The following PLEKHM2 variants were observed in gnomAD, a reference collection of about 807,000 sequenced individuals.
The protein encoded by PLEKHM2 is pleckstrin homology and RUN domain containing M2.
In PLEKHM2, 77 loss-of-function variants were observed where a neutral mutation model predicts 116.3. That is an observed-to-expected ratio of 0.66 (90% confidence interval 0.55 to 0.80). The LOEUF is 0.80. PLEKHM2 is among the 30% of genes least tolerant of loss of function. PLEKHM2 has a pLI of 0.00. For synonymous variants in PLEKHM2, 562 were observed against 571.0 expected, an observed-to-expected ratio of 0.98 and a Z score of 0.22; for missense variants, 1,183 against 1,354.9, an observed-to-expected ratio of 0.87 and a Z score of 1.99.
At chr1:15,723,339 G>T (rs907416759) in intron 7 of PLEKHM2, 3 of 151,768 alleles carry the variant, frequency 2.0e-5, no homozygotes, top group Admixed American at 2.0e-4. Flanking sequence ...CTTAGGCTCT[G>T]AGATCCCCGG....
chr1:15,733,865 C>T lies in PLEKHM2; in HGVS notation c.2991C>T (p.Leu997=). 1 of 1,613,054 alleles carries T rather than the reference C, an allele frequency of 6.2e-7. No homozygotes were observed. The highest frequency in any genetic ancestry group is 8.5e-7 in the Non-Finnish European group (1 of 1,179,846). ...AGAAATTCGAGGATGCCTTGAGCCTCATCCACAGCGCCTGGCAGCGGAGCG... is the reference window on the plus strand; with the variant it reads ...AGAAATTCGAGGATGCCTTGAGCCTTATCCACAGCGCCTGGCAGCGGAGCG... ...NKKKFEDALS[L]IHSAWQRSDS... is the part of the protein sequence containing the mutation. The change falls in exon 20 of 20, where the codon CTC becomes CTT. Residue 997 remains leucine (L), a synonymous_variant. Transcript: ENST00000375799.
At chr1:15,703,249 T>G (rs892923517) in intron 1 of PLEKHM2, among the ~76,000 whole-genome samples, 84 of 152,200 alleles carry the variant, frequency 5.5e-4, no homozygotes, top group Non-Finnish European at 1.3e-4. Flanking sequence ...GGTCTGTGTC[T>G]GCGGTGGCTG....
rs570032250 is a variant in PLEKHM2 at position 15,730,605 on chromosome 1, C to A, written c.2282C>A (p.Thr761Lys). 2 of 1,606,086 alleles carry A rather than the reference C, an allele frequency of 1.2e-6. No individual in the cohort carries two copies. The highest frequency in any genetic ancestry group is 1.7e-5 in the Admixed American group (1 of 59,112). Reference sequence around the variant, plus strand: ...CCCACAGACGAGTCCCTGGGCCCCACGCCCTGCCACTGCTCACCCCCCGAG... The same window carrying A: ...CCCACAGACGAGTCCCTGGGCCCCAAGCCCTGCCACTGCTCACCCCCCGAG... ...EDPTDESLGP[T>K]PCHCSPPEGT... is the part of the protein sequence containing the mutation. Residue 761 changes from threonine to lysine, a missense_variant, in exon 15 of 20, where the codon ACG (threonine) becomes AAG (lysine). Physicochemically the swap from Thr to Lys is moderately conservative, Grantham distance 78 (BLOSUM62 -1). Coordinates refer to ENST00000375799, the MANE Select transcript of PLEKHM2 (RefSeq NM_015164.4).
chr1:15,682,637 AC>A (rs1454097766), upstream of PLEKHM2, among the ~76,000 whole-genome samples: 89 of 89,542 alleles, frequency 9.9e-4, no homozygotes, highest in African/African-American at 2.1e-3. Flanking sequence ...ACAAAACAAA[AC>A]AAAACAAAAA....
At chr1:15,716,626 C>T (rs913214832) in intron 2 of PLEKHM2, 81 bp from the exon 3 acceptor site, 25 of 1,418,624 alleles carry the variant, frequency 1.8e-5, no homozygotes, top group South Asian at 3.7e-5. Flanking sequence ...TCCTGCCTTG[C>T]GCTCACTGCT....
chr1:15,729,839 T>C lies in PLEKHM2; in HGVS notation c.2118T>C (p.Cys706=). The C allele has an allele frequency of 6.2e-7, 1 of 1,613,340 alleles. No individual in the cohort carries two copies. The highest frequency in any genetic ancestry group is 8.5e-7 in the Non-Finnish European group (1 of 1,179,636). ...ASLKSAMIKG[C]REPPYPSILT... is the part of the protein sequence containing the mutation. ...TGAAGTCAGCCATGATCAAAGGCTG[T>C]CGAGAACCTCCCTACCCCAGCATCC... Residue 706 remains cysteine (C), a synonymous_variant, in exon 14 of 20, where the codon TGT becomes TGC. Transcript: ENST00000375799. The surrounding 1 kb of genome is among the most constrained non-coding windows in gnomAD (Gnocchi z 4.7).
In PLEKHM2 at chr1:15,734,195, G is replaced by A. The variant is rs993387784; in HGVS notation, c.*261G>A. ...AGGGTCCGAGCCCTGTGGGCTCTGC[G>A]GATGCACGCCCTCCTCCCGGGCCTC... On this transcript the variant is annotated 3_prime_UTR_variant, in exon 20 of 20. Coordinates refer to ENST00000375799, the MANE Select transcript of PLEKHM2 (RefSeq NM_015164.4). The A allele has an allele frequency of 1.7e-5, 8 of 476,434 alleles. No individual in the cohort carries two copies. Among genetic ancestry groups the A allele is most frequent in the African/African-American group, 1.0e-4 (5 of 49,702 alleles). 29.5% of individuals were successfully genotyped at this position (476,434 alleles called of 1,614,324 possible). A position where few individuals can be genotyped will look rare whatever the true frequency, so the allele number is the denominator to read the frequency against.
intron 1 of PLEKHM2, among the ~76,000 whole-genome samples, chr1:15,713,339 C>T (rs1299399153): frequency 1.3e-5 from 2 of 151,944 alleles, no homozygotes; most frequent in Admixed American, 6.6e-5. Context: ...GGGATACGTG[C>T]ACACCAAGCT....
At chr1:15,732,754 T>G in intron 19 of PLEKHM2, 26 bp downstream of exon 19, 2 of 1,477,370 alleles carry the variant, frequency 1.4e-6, no homozygotes, top group African/African-American at 1.4e-5. Context: ...GGAAACCCAT[T>G]AGCCAGGGAC....
chr1:15,703,323 T>G lies in PLEKHM2; in HGVS notation c.61-12914T>G, dbSNP rs574584400. ...TGGCCAGGCAGTTAAACAGGCACGC[T>G]TACAGCCATCTGTCCAGCCTCTCCT... is the stretch of plus-strand genomic sequence containing the variant. On this transcript the variant is annotated intron_variant, in intron 1 of 19. Transcript: ENST00000375799. Among the ~76,000 whole-genome samples the G allele has an allele frequency of 1.6e-3, 242 of 150,790 alleles. 3 individuals carry two copies. The highest frequency in any genetic ancestry group is 2.3e-3 in the South Asian group (11 of 4,804).
chr1:15,720,128 TTATA>T (rs144815982), intron 6 of PLEKHM2, among the ~76,000 whole-genome samples: 4 of 115,894 alleles, frequency 3.5e-5, no homozygotes, highest in East Asian at 2.0e-4. Context: ...AAAGCTGAAA[TTATA>T]TATATATATA....
chr1:15,689,065 A>G (rs954114574), intron 1 of PLEKHM2, among the ~76,000 whole-genome samples: 2 of 152,004 alleles, frequency 1.3e-5, no homozygotes, highest in African/African-American at 4.8e-5. Flanking sequence ...CCTGACCAAC[A>G]TCGAGAAACC....
rs923188787 is a variant in PLEKHM2 at position 15,732,371 on chromosome 1, C to T, written c.2647C>T (p.Pro883Ser). Reference protein sequence around the residue: ...SKGVIPQGVAPSPCIPCCLVL... With the variant: ...SKGVIPQGVASSPCIPCCLVL... Reference sequence around the variant, plus strand: ...CCAGGTCATCCCCCAGGGCGTAGCTCCCAGCCCCTGCATACCCTGCTGCCT... The same window carrying T: ...CCAGGTCATCCCCCAGGGCGTAGCTTCCAGCCCCTGCATACCCTGCTGCCT... Residue 883 changes from proline (P) to serine (S), a missense_variant, in exon 18 of 20, where the codon CCC (proline) becomes TCC (serine). By Grantham distance (74) the Pro-to-Ser change is moderately conservative (BLOSUM62 -1). Transcript: ENST00000375799. 17 of 1,556,212 alleles carry T rather than the reference C, an allele frequency of 1.1e-5. No individual in the cohort carries two copies. The highest frequency in any genetic ancestry group is 5.8e-5 in the Admixed American group (3 of 51,396).
At chr1:15,731,814 C>A in intron 16 of PLEKHM2, 75 bp from the exon 17 acceptor site, 1 of 1,354,506 alleles carries the variant, frequency 7.4e-7, no homozygotes, top group Non-Finnish European at 1.0e-6. Flanking sequence ...GCACACCCCG[C>A]ACCAACCCTG....
In PLEKHM2 at chr1:15,727,689, G is replaced by A; in HGVS notation, c.1617G>A (p.Val539=). The change falls in exon 9 of 20, where the codon GTG becomes GTA. Residue 539 remains valine (V), a synonymous_variant. Transcript: ENST00000375799. The surrounding 1 kb of genome is among the most constrained non-coding windows in gnomAD (Gnocchi z 7.5). The part of the protein sequence containing the change: ...AQLSLVREGP[V]SEPEPGTQEV... ...TGTCCCTGGTCAGGGAGGGGCCTGT[G>A]TCTGAGCCAGAGCCTGGGACCCAGG... is the stretch of plus-strand genomic sequence containing the variant. 7 of 1,594,594 alleles carry A rather than the reference G, an allele frequency of 4.4e-6. No homozygotes were observed. The highest frequency in any genetic ancestry group is 2.7e-5 in the African/African-American group (2 of 74,680).
rs562002735 is a variant in PLEKHM2, at chr1:15,691,487, G to A, written c.60+6869G>A. Among the ~76,000 whole-genome samples the A allele has an allele frequency of 2.0e-5, 3 of 152,330 alleles. No homozygotes were observed. In the South Asian group the frequency reaches 6.2e-4, roughly 32 times the overall value. On this transcript the variant is annotated intron_variant, in intron 1 of 19. Transcript: ENST00000375799. ...ACCCTTTAAAAGGGATAAATGAATT[G>A]TAATAGGGTAACCATCTCTCAGTTC...
In PLEKHM2 at chr1:15,728,109, G is replaced by A. The variant is rs1174509092; in HGVS notation, c.1791G>A (p.Met597Ile). The change falls in exon 10 of 20, where the codon ATG becomes ATA. Residue 597 changes from methionine (M) to isoleucine (I), a missense_variant. Met to Ile is a conservative substitution (Grantham distance 10). Coordinates refer to ENST00000375799, the MANE Select transcript of PLEKHM2 (RefSeq NM_015164.4). This position sits in a 1 kb window ranked among gnomAD's most constrained non-coding sequence, Gnocchi z 5.9. The stretch of plus-strand genomic sequence containing the variant: ...ACAACAATCACCTGCTCCTGCTCAT[G>A]ATCCACGTGTTCCGAGAAAACGAAG... Reference protein sequence around the residue: ...RVDNNHLLLLMIHVFRENEEQ... With the variant: ...RVDNNHLLLLIIHVFRENEEQ... 2 of 1,611,418 alleles carry A rather than the reference G, an allele frequency of 1.2e-6. No homozygotes were observed. Among genetic ancestry groups the A allele is most frequent in the African/African-American group, 2.7e-5 (2 of 74,906 alleles).
rs747656902 is a variant in PLEKHM2 at position 15,729,847 on chromosome 1, C to T, written c.2126C>T (p.Pro709Leu). ...GCCATGATCAAAGGCTGTCGAGAAC[C>T]TCCCTACCCCAGCATCCTGACGGAT... ...KSAMIKGCRE[P>L]PYPSILTDAT... is the part of the protein sequence containing the mutation. The change falls in exon 14 of 20, where the codon CCT becomes CTT. Residue 709 changes from proline to leucine, a missense_variant. By Grantham distance (98) the Pro-to-Leu change is moderately conservative. Coordinates refer to ENST00000375799, the MANE Select transcript of PLEKHM2 (RefSeq NM_015164.4). The surrounding 1 kb of genome is among the most constrained non-coding windows in gnomAD (Gnocchi z 4.7). 237 of 1,613,244 alleles carry T rather than the reference C, an allele frequency of 1.5e-4. 2 individuals are homozygous for T. In the South Asian group the frequency reaches 2.5e-3, roughly 17 times the overall value.
At chr1:15,704,139 C>T (rs1641173277) in intron 1 of PLEKHM2, among the ~76,000 whole-genome samples, 1 of 152,172 alleles carries the variant, frequency 6.6e-6, no homozygotes, top group African/African-American at 2.4e-5. Flanking sequence ...TACTGGCCCA[C>T]CTGCTTGTGG....
Sources: allele counts gnomAD v4.1 joint callset (sites outside exome capture counted in the v4.1 genomes callset), GRCh38; gene constraint gnomAD v4.1.1; non-coding constraint Gnocchi (gnomAD v3.1); transcripts MANE v1.5; gene names NCBI Gene and HGNC (gene_info 2026-07-23, HGNC 2026-07-21).